The following TTC6 variants were observed in gnomAD, a reference collection of about 807,000 sequenced individuals.
TTC6 encodes tetratricopeptide repeat domain 6.
TTC6 carries 172 observed loss-of-function variants against 210.4 expected under a neutral mutation model. The ratio of observed to expected loss-of-function variants is 0.82; its 90% CI spans 0.72 to 0.93. TTC6 has a LOEUF of 0.93. Ranked by LOEUF, TTC6 falls within the 40% of genes least tolerant of loss-of-function variation. TTC6 has a pLI of 0.00. For synonymous variants in TTC6, 804 were observed against 819.6 expected (o/e 0.98, Z 0.32); for missense variants, 2,414 against 2,318.1 (o/e 1.04, Z -0.85).
intron 20 of TTC6, among the ~76,000 whole-genome samples, chr14:37,797,552 T>C (rs2096095549): frequency 6.6e-6 from 1 of 151,958 alleles, no homozygotes; most frequent in Non-Finnish European, 1.5e-5. Flanking sequence ...TAATCCTCGA[T>C]TGTGTGCTGA....
intron 24 of TTC6, among the ~76,000 whole-genome samples, chr14:37,809,471 C>G (rs1438930305): frequency 1.3e-5 from 2 of 151,912 alleles, no homozygotes; most frequent in Non-Finnish European, 2.9e-5. Context: ...CCAGAATGGT[C>G]TCAATCTCCT....
intron 14 of TTC6, among the ~76,000 whole-genome samples, chr14:37,780,199 G>T (rs1332143793): frequency 6.6e-6 from 1 of 152,068 alleles, no homozygotes. Context: ...TAAATACAAA[G>T]CTCTTCTATT....
rs1166521208 is a variant in TTC6, at chr14:37,606,106, G to T, written c.-234-557G>T. ...AGGAAGCTTGGCAGATGTTAATTAG[G>T]TTACCATGGGTAAGGTGGGGTGAGC... On this transcript the variant is annotated intron_variant, in intron 1 of 2. Coordinates refer to the TTC6 transcript ENST00000556845. Among the ~76,000 whole-genome samples the T allele has an allele frequency of 4.6e-5, 7 of 152,104 alleles. No individual in the cohort carries two copies. In the East Asian group the frequency reaches 1.4e-3, roughly 29 times the overall value.
At chr14:37,727,631 T>A (rs34328114) in intron 7 of TTC6, among the ~76,000 whole-genome samples, 12,525 of 152,056 alleles carry the variant, frequency 0.082, 586 homozygotes, top group Non-Finnish European at 0.099. Context: ...AATTTCTTCA[T>A]GTTTCTTCTT....
chr14:37,812,300 A>T lies in TTC6; in HGVS notation c.4570-14A>T. ...CTAAAAAGTTGAATCTATGTTACAA[A>T]TGATTATTTTTAGGCATTAACAGAT... On this transcript the variant is annotated splice_polypyrimidine_tract_variant and intron_variant, in intron 24 of 30. Transcript: ENST00000553443. 1 of 1,607,566 alleles carries T rather than the reference A, an allele frequency of 6.2e-7. No individual in the cohort carries two copies. Among genetic ancestry groups the T allele is most frequent in the Non-Finnish European group, 8.5e-7 (1 of 1,177,620 alleles).
intron 29 of TTC6, among the ~76,000 whole-genome samples, chr14:37,840,346 T>G (rs1184805885): frequency 2.0e-5 from 3 of 152,064 alleles, no homozygotes; most frequent in African/African-American, 7.3e-5. Flanking sequence ...AGGCAGTAAT[T>G]AATAGCCTAC....
At chr14:37,651,231 C>G (rs1463681283) in intron 1 of TTC6, among the ~76,000 whole-genome samples, 1 of 151,384 alleles carries the variant, frequency 6.6e-6, no homozygotes, top group Non-Finnish European at 1.5e-5. Flanking sequence ...CCCCTCCCTT[C>G]CCTGCTCCTT....
intron 15 of TTC6, among the ~76,000 whole-genome samples, chr14:37,789,438 A>G (rs374782189): frequency 6.6e-6 from 1 of 151,858 alleles, no homozygotes; most frequent in Non-Finnish European, 1.5e-5. Context: ...ATTTTCTTCA[A>G]GTGATAACAG....
At chr14:37,694,491 A>G (rs991506537) in intron 3 of TTC6, among the ~76,000 whole-genome samples, 4 of 152,196 alleles carry the variant, frequency 2.6e-5, no homozygotes, top group African/African-American at 9.6e-5. Flanking sequence ...GTAAATTAGT[A>G]CAACCACTAT....
intron 1 of TTC6, among the ~76,000 whole-genome samples, chr14:37,635,981 C>CAAAAAAAAAAAAAA (rs71433909): frequency 4.3e-5 from 3 of 70,350 alleles, no homozygotes; most frequent in Non-Finnish European, 7.6e-5. Context: ...ATTCCATTTC[C>CAAAAAAAAAAAAAA]AAAAAAAAAA....
chr14:37,830,378 G>C (rs566979850), intron 29 of TTC6, among the ~76,000 whole-genome samples: 1 of 151,998 alleles, frequency 6.6e-6, no homozygotes, highest in South Asian at 2.1e-4. Flanking sequence ...ATAGATTTCA[G>C]ATAAGTGTTG....
intron 3 of TTC6, among the ~76,000 whole-genome samples, chr14:37,692,943 A>C (rs529687590): frequency 6.6e-6 from 1 of 152,256 alleles, no homozygotes; most frequent in Non-Finnish European, 1.5e-5. Flanking sequence ...CTAGTATCAT[A>C]CTGAATGGGG....
intron 5 of TTC6, 61 bp downstream of exon 7, chr14:37,701,587 CT>C: frequency 7.5e-7 from 1 of 1,338,058 alleles, no homozygotes; most frequent in Non-Finnish European, 9.8e-7. Flanking sequence ...TAAATCCTGC[CT>C]TTTGAGTTCT....
At chr14:37,749,912 A>T in intron 12 of TTC6, 69 bp downstream of exon 14, 1 of 1,045,588 alleles carries the variant, frequency 9.6e-7, no homozygotes, top group South Asian at 4.0e-5. Context: ...TATTGGTACT[A>T]TAAGGATACA....
intron 5 of TTC6, among the ~76,000 whole-genome samples, chr14:37,705,902 A>G (rs1322034948): frequency 6.6e-6 from 1 of 152,140 alleles, no homozygotes; most frequent in Non-Finnish European, 1.5e-5. Flanking sequence ...TTTGGTACTC[A>G]AAGTATAGTC....
intron 3 of TTC6, among the ~76,000 whole-genome samples, chr14:37,694,548 A>G (rs1400586803): frequency 6.6e-6 from 1 of 152,178 alleles, no homozygotes; most frequent in Non-Finnish European, 1.5e-5. Context: ...TAGAACTACC[A>G]TATGATACAG....
intron 1 of TTC6, among the ~76,000 whole-genome samples, chr14:37,628,925 G>T (rs764135218): frequency 3.6e-4 from 55 of 152,056 alleles, no homozygotes; most frequent in Non-Finnish European, 7.5e-4. Flanking sequence ...GTAGATGTGT[G>T]GTGTTATTTC....
At chr14:37,790,732 G>C (rs1194139790) in exon 16 of TTC6, 1 of 1,533,558 alleles carries the variant, frequency 6.5e-7, no homozygotes, top group South Asian at 1.2e-5. Context: ...ATAAATGATG[G>C]CTATGAGAAT....
intron 29 of TTC6, among the ~76,000 whole-genome samples, chr14:37,838,666 CTTT>C (rs1181442585): frequency 6.6e-6 from 1 of 151,876 alleles, no homozygotes; most frequent in Admixed American, 6.6e-5. Context: ...TTTCTTTCTT[CTTT>C]TTTTTCTTGT....
Sources: gnomAD v4.1 joint callset for allele counts (sites outside exome capture counted in the v4.1 genomes callset) on GRCh38, gnomAD v4.1.1 for gene constraint, MANE v1.5 for transcripts, NCBI Gene and HGNC (gene_info 2026-07-23, HGNC 2026-07-21) for gene names.